TGM7: variants seen among roughly 807,000 people sequenced by gnomAD.
TGM7 encodes protein-glutamine gamma-glutamyltransferase Z.
In TGM7, 74 loss-of-function variants were observed where a neutral mutation model predicts 79.5. The observed-to-expected ratio is 0.93, with a 90% CI of 0.77 to 1.13. The LOEUF (loss-of-function observed/expected upper bound fraction) is 1.13. TGM7 is among the 50% of genes most tolerant of loss of function. The probability of loss-of-function intolerance (pLI) is 0.00; values close to 1 mark genes in which losing one functional copy is unlikely to be tolerated. For synonymous variants in TGM7, 354 were observed against 362.5 expected (o/e 0.98, Z 0.27); for missense variants, 912 against 905.9 (o/e 1.01, Z -0.09).
intron 4 of TGM7, among the ~76,000 whole-genome samples, chr15:43,289,749 C>G (rs948390528): frequency 6.6e-6 from 1 of 152,088 alleles, no homozygotes; most frequent in African/African-American, 2.4e-5. Flanking sequence ...TTTTAATGAT[C>G]GCCATTCTAA....
chr15:43,296,154 G>GCACA (rs1566847558), intron 1 of TGM7, among the ~76,000 whole-genome samples: 4 of 152,152 alleles, frequency 2.6e-5, no homozygotes, highest in Admixed American at 6.5e-5. Flanking sequence ...AGCCGGGTGA[G>GCACA]GTGGCTCACG....
Position 43,276,283 on chromosome 15 carries a change from A to G in TGM7, c.*172T>C. The G allele has an allele frequency of 6.3e-6, 5 of 795,982 alleles. No homozygotes were observed. Among genetic ancestry groups the G allele is most frequent in the Non-Finnish European group, 7.7e-6 (4 of 519,994 alleles). 49.3% of individuals were successfully genotyped at this position (795,982 alleles called of 1,614,324 possible). A position where few individuals can be genotyped will look rare whatever the true frequency, so the allele number is the denominator to read the frequency against. ...AGTGGCTTGAGAATGCTGGTGATAAATAAAGACATCTTTATTGTCTCTTCC... is the reference window on the plus strand; with the variant it reads ...AGTGGCTTGAGAATGCTGGTGATAAGTAAAGACATCTTTATTGTCTCTTCC... On this transcript the variant is annotated 3_prime_UTR_variant, in exon 13 of 13. Transcript: ENST00000452443.
intron 6 of TGM7, among the ~76,000 whole-genome samples, chr15:43,286,418 C>T (rs1403528014): frequency 6.6e-6 from 1 of 152,204 alleles, no homozygotes; most frequent in African/African-American, 2.4e-5. Flanking sequence ...TACTGAGTGC[C>T]AGGGTAGCCC....
chr15:43,286,571 C>T (rs987075694), intron 6 of TGM7, among the ~76,000 whole-genome samples: 3 of 152,196 alleles, frequency 2.0e-5, no homozygotes, highest in Non-Finnish European at 2.9e-5. Context: ...GTCTTTGGCA[C>T]CTGTCTCTGT....
At chr15:43,294,527 C>CCTTG (rs944668197) in intron 1 of TGM7, among the ~76,000 whole-genome samples, 1 of 152,210 alleles carries the variant, frequency 6.6e-6, no homozygotes, top group Non-Finnish European at 1.5e-5. Context: ...CATGGAAGGA[C>CCTTG]CTTGGCGTTG....
intron 9 of TGM7, among the ~76,000 whole-genome samples, chr15:43,281,114 A>G (rs2042906069): frequency 6.6e-6 from 1 of 152,270 alleles, no homozygotes; most frequent in Non-Finnish European, 1.5e-5. Context: ...CAGTTGCTGC[A>G]TTCCACAGGC....
At position 43,282,579 on chromosome 15, in the gene TGM7, TC is replaced by T; in HGVS notation, c.1045del (p.Asp349IlefsTer31). 6.2e-7 allele frequency: 1 copy of T among 1,602,378 alleles called. No individual in the cohort carries two copies. The highest frequency in any genetic ancestry group is 8.5e-7 in the Non-Finnish European group (1 of 1,174,112). On this transcript the variant is annotated frameshift_variant, in exon 8 of 13. Transcript: ENST00000452443. LOFTEE classifies it high-confidence loss of function. ...VWNECWMIRK[D>X]LPPGYNGWQV... is the part of the protein sequence containing the mutation. Reference sequence around the variant, plus strand: ...CCACCCGTTGTATCCTGGTGGGAGATCTTTCCGGATCATCCAGCACTCATTC... The same window carrying T: ...CCACCCGTTGTATCCTGGTGGGAGATTTTCCGGATCATCCAGCACTCATTC...
At chr15:43,282,318 G>T (rs904449276) in intron 8 of TGM7, among the ~76,000 whole-genome samples, 199 bp downstream of exon 8, 3 of 152,230 alleles carry the variant, frequency 2.0e-5, no homozygotes, top group African/African-American at 4.8e-5. Context: ...CTGAGGCTCA[G>T]TGACCCATCC....
At chr15:43,296,596 C>G (rs1272485462) in intron 1 of TGM7, among the ~76,000 whole-genome samples, 4 of 152,196 alleles carry the variant, frequency 2.6e-5, no homozygotes, top group Middle Eastern at 3.4e-3. Flanking sequence ...ATCATAGATC[C>G]AAAAGAGACA....
chr15:43,298,144 C>T (rs2043009391), intron 1 of TGM7, among the ~76,000 whole-genome samples: 1 of 152,208 alleles, frequency 6.6e-6, no homozygotes, highest in African/African-American at 2.4e-5. Context: ...GGATCAAACC[C>T]AGGGAGGCTG....
chr15:43,282,166 C>G, intron 8 of TGM7, 80 bp from the exon 9 acceptor site: 1 of 1,559,440 alleles, frequency 6.4e-7, no homozygotes, highest in South Asian at 1.2e-5. Context: ...GGATAGGCAG[C>G]GGCACCACTG....
chr15:43,301,294 G>A (rs529471531), intron 1 of TGM7, among the ~76,000 whole-genome samples: 1 of 151,838 alleles, frequency 6.6e-6, no homozygotes, highest in South Asian at 2.1e-4. Flanking sequence ...GAGACACAGT[G>A]CCTGGCCATT....
intron 10 of TGM7, 59 bp from the exon 11 acceptor site, chr15:43,279,336 T>C: frequency 3.2e-6 from 5 of 1,558,896 alleles, no homozygotes; most frequent in Non-Finnish European, 2.6e-6. Context: ...AGGGGGGACA[T>C]GTAGATGTGA....
intron 4 of TGM7, among the ~76,000 whole-genome samples, chr15:43,291,111 G>A (rs944816343): frequency 2.6e-5 from 4 of 152,220 alleles, no homozygotes; most frequent in African/African-American, 4.8e-5. Context: ...TTAAATAGGA[G>A]TGGTGAGAGA....
In TGM7 at chr15:43,276,947, G is replaced by T; in HGVS notation, c.1888C>A (p.Leu630Ile). The T allele has an allele frequency of 6.2e-7, 1 of 1,614,138 alleles. No homozygotes were observed. Among genetic ancestry groups the T allele is most frequent in the Non-Finnish European group, 8.5e-7 (1 of 1,180,020 alleles). ...VGKALRVHVT[L>I]TNTLMVALSS... ...AGAGCCACCATTAAGGTGTTGGTGA[G>T]GGTGACATGGACTCTCAGCGCCTTG... Residue 630 changes from leucine to isoleucine, a missense_variant, in exon 12 of 13, where the codon CTC becomes ATC. Leu to Ile is a conservative substitution (Grantham distance 5). Coordinates refer to ENST00000452443, the MANE Select transcript of TGM7 (RefSeq NM_052955.3).
Position 43,282,225 on chromosome 15 carries a change from A to G in TGM7, c.1109-139T>C, listed in dbSNP as rs192316397. Reference sequence around the variant, plus strand: ...CAGTTTACCAAGCACTTTTGTTCCCATTAATTCATCTGACCCTCACAGCCA... The same window carrying G: ...CAGTTTACCAAGCACTTTTGTTCCCGTTAATTCATCTGACCCTCACAGCCA... On this transcript the variant is annotated intron_variant, in intron 8 of 12. Coordinates refer to ENST00000452443, the MANE Select transcript of TGM7 (RefSeq NM_052955.3). 17 of 1,297,246 alleles carry G rather than the reference A, an allele frequency of 1.3e-5. No homozygotes were observed. In the East Asian group the frequency reaches 4.0e-4, roughly 31 times the overall value. The allele number at this position is 1,297,246 out of a possible 1,614,324, so 80.4% of individuals were successfully genotyped here.
Position 43,292,604 on chromosome 15 carries a change from A to T in TGM7, c.439+105T>A, listed in dbSNP as rs2042968911. On this transcript the variant is annotated intron_variant, in intron 3 of 12. Coordinates refer to ENST00000452443, the MANE Select transcript of TGM7 (RefSeq NM_052955.3). ...TTTTTGTGAGAGCACACGCTACTAC[A>T]TTGCATAGCTATGTGGCGATTTATT... The T allele has an allele frequency of 2.1e-6, 3 of 1,415,474 alleles. No individual in the cohort carries two copies. In the African/African-American group the frequency reaches 4.3e-5, roughly 20 times the overall value. 87.7% of individuals were successfully genotyped at this position (1,415,474 alleles called of 1,614,324 possible). A position where few individuals can be genotyped will look rare whatever the true frequency, so the allele number is the denominator to read the frequency against.
chr15:43,279,661 T>C lies in TGM7; in HGVS notation c.1642A>G (p.Arg548Gly). Residue 548 changes from arginine (R) to glycine (G), a missense_variant, in exon 10 of 13, where the codon AGG becomes GGG. Physicochemically the swap from Arg to Gly is moderately radical, Grantham distance 125 (BLOSUM62 -2). Transcript: ENST00000452443. The stretch of plus-strand genomic sequence containing the variant: ...TCCAGGTTCATCCGCACTGTGTGCC[T>C]CCAGAAGGGCTTCTGGGTACCACCC... ...HGGGTQKPFWRHTVRMNLDFG... is the reference protein window; with the variant it reads ...HGGGTQKPFWGHTVRMNLDFG... 1 of 1,610,608 alleles carries C rather than the reference T, an allele frequency of 6.2e-7. No homozygotes were observed. Among genetic ancestry groups the C allele is most frequent in the Non-Finnish European group, 8.5e-7 (1 of 1,178,024 alleles).
chr15:43,290,022 T>A (rs1266893740), intron 4 of TGM7, among the ~76,000 whole-genome samples: 1 of 152,208 alleles, frequency 6.6e-6, no homozygotes, highest in Non-Finnish European at 1.5e-5. Flanking sequence ...GTTGCCTGCT[T>A]ACTCTGATGG....
Sources: allele counts gnomAD v4.1 joint callset (sites outside exome capture counted in the v4.1 genomes callset), GRCh38; gene constraint gnomAD v4.1.1; transcripts MANE v1.5; gene names NCBI Gene and HGNC (gene_info 2026-07-23, HGNC 2026-07-21).